The following SLC38A2 variants were observed in gnomAD, a reference collection of about 807,000 sequenced individuals.
The protein encoded by SLC38A2 is solute carrier family 38 member 2, also known as sodium-coupled neutral amino acid symporter 2.
In SLC38A2, 11 loss-of-function variants were observed where a neutral mutation model predicts 61.5. That is an observed-to-expected ratio of 0.18 (90% CI 0.11 to 0.30). SLC38A2 has a LOEUF of 0.30. SLC38A2 is among the 10% of genes least tolerant of loss of function. The pLI, the probability that SLC38A2 is intolerant of heterozygous loss-of-function variation, is 1.00. For synonymous variants in SLC38A2, 217 were observed against 212.5 expected (o/e 1.02, Z -0.18); for missense variants, 522 against 600.4 (o/e 0.87, Z 1.36).
chr12:46,372,257 A>C, intron 1 of SLC38A2: 1 of 160,074 alleles, frequency 6.2e-6, no homozygotes, highest in Non-Finnish European at 1.4e-5. Context: ...CCCTCCCCCT[A>C]ATGGGAAGAT....
rs768503823 is a variant in SLC38A2, at chr12:46,371,127, G to A, written c.116+51C>T. The A allele has an allele frequency of 3.3e-6, 5 of 1,507,636 alleles. No individual in the cohort carries two copies. The East Asian group carries it at 1.1e-4, about 34-fold the overall frequency. 93.4% of individuals were successfully genotyped at this position (1,507,636 alleles called of 1,614,324 possible). ...GAAGCAGAGTCCTAGGTAACTCCCT[G>A]AACCCAACCCATGCAAGCCGTTTTT... On this transcript the variant is annotated intron_variant, in intron 2 of 15. Coordinates refer to ENST00000256689, the MANE Select transcript of SLC38A2 (RefSeq NM_018976.5).
At chr12:46,370,179 A>C (rs1943179933) in intron 4 of SLC38A2, among the ~76,000 whole-genome samples, 1 of 152,336 alleles carries the variant, frequency 6.6e-6, no homozygotes. Context: ...TGATTTGCCA[A>C]AACAAAATTT....
At chr12:46,368,415 G>T (rs537108915) in intron 4 of SLC38A2, among the ~76,000 whole-genome samples, 1 of 152,234 alleles carries the variant, frequency 6.6e-6, no homozygotes, top group African/African-American at 2.4e-5. Flanking sequence ...AGGTAACATA[G>T]AGTGACTAAA....
In SLC38A2 at chr12:46,370,790, A is replaced by G; in HGVS notation, c.184T>C (p.Tyr62His). The change falls in exon 3 of 16, where the codon TAT becomes CAT. Residue 62 changes from tyrosine (Y) to histidine (H), a missense_variant. Physicochemically the swap from Tyr to His is moderately conservative, Grantham distance 83. Transcript: ENST00000256689. ...TTTTAACTTACAAATTCTGTTTCATACTTCTTCTTCCCCAAATTCGATTCA... is the reference window on the plus strand; with the variant it reads ...TTTTAACTTACAAATTCTGTTTCATGCTTCTTCTTCCCCAAATTCGATTCA... ...LLESNLGKKK[Y>H]ETEFHPGTTS... 6.2e-7 allele frequency: 1 copy of G among 1,612,742 alleles called. No homozygotes were observed. Among genetic ancestry groups the G allele is most frequent in the Non-Finnish European group, 8.5e-7 (1 of 1,179,156 alleles).
Position 46,364,385 on chromosome 12 carries a change from T to G in SLC38A2, c.873+4A>C. On this transcript the variant is annotated splice_donor_region_variant and intron_variant, in intron 10 of 15. Coordinates refer to ENST00000256689, the MANE Select transcript of SLC38A2 (RefSeq NM_018976.5). ...CTTTTGAGAAAATAAGCATATTTAG[T>G]TACCTGTGAGTTGAAAATAAAATAG... 6.4e-7 allele frequency: 1 copy of G among 1,572,674 alleles called. No individual in the cohort carries two copies. The highest frequency in any genetic ancestry group is 8.6e-7 in the Non-Finnish European group (1 of 1,166,136).
At chr12:46,368,532 A>G (rs573928443) in intron 4 of SLC38A2, among the ~76,000 whole-genome samples, 1 of 152,234 alleles carries the variant, frequency 6.6e-6, no homozygotes, top group African/African-American at 2.4e-5. Context: ...TAATTTTTTA[A>G]AGAAATTAAA....
chr12:46,372,208 C>T (rs1332228634), intron 1 of SLC38A2: 2 of 154,316 alleles, frequency 1.3e-5, no homozygotes, highest in Non-Finnish European at 2.9e-5. Context: ...AAATCAGTCA[C>T]AAGACTTGCC....
Position 46,360,837 on chromosome 12 carries a change from G to C in SLC38A2, c.*274C>G. The C allele has an allele frequency of 5.3e-6, 2 of 376,436 alleles. No individual in the cohort carries two copies. 23.3% of individuals were successfully genotyped at this position (376,436 alleles called of 1,614,324 possible). A position where few individuals can be genotyped will look rare whatever the true frequency, so the allele number is the denominator to read the frequency against. On this transcript the variant is annotated 3_prime_UTR_variant, in exon 16 of 16. Transcript: ENST00000256689. ...GCATGTGGCTTGATAAAAGTTAAGA[G>C]TTTGTCCATTCTCTGGAATGGAATA...
At position 46,363,935 on chromosome 12, in the gene SLC38A2, T is replaced by G; in HGVS notation, c.942A>C (p.Glu314Asp). 2 of 1,611,902 alleles carry G rather than the reference T, an allele frequency of 1.2e-6. No individual in the cohort carries two copies. The highest frequency in any genetic ancestry group is 1.7e-6 in the Non-Finnish European group (2 of 1,178,850). ...AATGAAATACTCACTCTTTCAGTTC[T>G]TCATAGATGGGAAGAACAGCAGGAT... ...VCHPAVLPIYEELKDRSRRRM... is the reference protein window; with the variant it reads ...VCHPAVLPIYDELKDRSRRRM... The change falls in exon 11 of 16, where the codon GAA (glutamate) becomes GAC (aspartate). Residue 314 changes from glutamate (E) to aspartate (D), a missense_variant. Transcript: ENST00000256689.
Position 46,359,449 on chromosome 12 carries a change from A to T in SLC38A2, c.*1662T>A, listed in dbSNP as rs1330762550. The T allele has an allele frequency of 1.3e-5, 2 of 152,674 alleles. No individual in the cohort carries two copies. The highest frequency in any genetic ancestry group is 2.4e-5 in the African/African-American group (1 of 41,470). The allele number at this position is 152,674 out of a possible 1,614,324, so 9.5% of individuals were successfully genotyped here. On this transcript the variant is annotated 3_prime_UTR_variant, in exon 16 of 16. Coordinates refer to ENST00000256689, the MANE Select transcript of SLC38A2 (RefSeq NM_018976.5). ...GTTTGTAAATTTAGTCACATATAAT[A>T]CAAGAATGCGTAACAAAAACCATGT...
At chr12:46,370,926 T>C in intron 2 of SLC38A2, 69 bp from the exon 3 acceptor site, 5 of 1,235,136 alleles carry the variant, frequency 4.0e-6, no homozygotes, top group Non-Finnish European at 5.8e-6. Flanking sequence ...ACAAGACTGC[T>C]TTAACATAAA....
chr12:46,370,880 T>C (rs1305629929), intron 2 of SLC38A2, 23 bp from the exon 3 acceptor site: 1 of 1,560,668 alleles, frequency 6.4e-7, no homozygotes, highest in Non-Finnish European at 8.8e-7. Context: ...TAGACATATA[T>C]AATTGTAAAC....
intron 4 of SLC38A2, 90 bp from the exon 5 acceptor site, chr12:46,367,430 G>A (rs1175696246): frequency 2.1e-5 from 16 of 765,150 alleles, no homozygotes; most frequent in Admixed American, 1.9e-4. Context: ...AACATTATGT[G>A]TGCAACTTGT....
At chr12:46,369,867 G>C (rs1943176520) in intron 4 of SLC38A2, among the ~76,000 whole-genome samples, 1 of 152,174 alleles carries the variant, frequency 6.6e-6, no homozygotes, top group Admixed American at 6.5e-5. Flanking sequence ...CTGTGCAACT[G>C]TGGGGGGAAC....
At position 46,371,226 on chromosome 12, in the gene SLC38A2, T is replaced by C. The variant is rs150659846; in HGVS notation, c.68A>G (p.Asn23Ser). Residue 23 changes from asparagine to serine, a missense_variant, in exon 2 of 16, where the codon AAC becomes AGC. By Grantham distance (46) the Asn-to-Ser change is conservative. This residue lies in a region of SLC38A2 where 102 missense variants were observed against 83.1 expected (regional missense o/e 1.23). Transcript: ENST00000256689. Reference protein sequence around the residue: ...PDEDSSSYSSNSDFNYSYPTK... With the variant: ...PDEDSSSYSSSSDFNYSYPTK... The stretch of plus-strand genomic sequence containing the variant: ...GGGGTAGGAGTAGTTGAAGTCGCTG[T>C]TGGAACTGTAGCTGCTGCTGTCTTC... 9.7e-4 allele frequency: 1,563 copies of C among 1,614,234 alleles called. 1 individual carries two copies. The highest frequency in any genetic ancestry group is 1.1e-3 in the Non-Finnish European group (1,337 of 1,180,036).
At chr12:46,365,404 G>A in intron 7 of SLC38A2, 1 of 567,054 alleles carries the variant, frequency 1.8e-6, no homozygotes, top group South Asian at 2.5e-5. Flanking sequence ...GTATAAAACA[G>A]TGTAACTTTT....
At chr12:46,371,019 A>T in intron 2 of SLC38A2, 159 bp downstream of exon 2, 1 of 829,052 alleles carries the variant, frequency 1.2e-6, no homozygotes, top group Non-Finnish European at 2.0e-6. Flanking sequence ...CACACCAGCT[A>T]TCTTGTCATT....
intron 2 of SLC38A2, 107 bp from the exon 3 acceptor site, chr12:46,370,964 C>A: frequency 1.1e-6 from 1 of 900,178 alleles, no homozygotes; most frequent in South Asian, 1.5e-5. Flanking sequence ...AGCTCTGATA[C>A]AACATCTTTA....
chr12:46,362,830 C>G lies in SLC38A2; in HGVS notation c.1179+191G>C, dbSNP rs1943097725. On this transcript the variant is annotated intron_variant, in intron 13 of 15. Coordinates refer to ENST00000256689, the MANE Select transcript of SLC38A2 (RefSeq NM_018976.5). ...TGAACACTTAAAGATCATTTTATAT[C>G]TTATGGTGAAAAAAATGTCCCCAGG... 3.2e-6 allele frequency: 3 copies of G among 951,460 alleles called. No individual in the cohort carries two copies. In the East Asian group the frequency reaches 8.1e-5, roughly 26 times the overall value. 58.9% of individuals were successfully genotyped at this position (951,460 alleles called of 1,614,324 possible).
Sources: allele counts gnomAD v4.1 joint callset (sites outside exome capture counted in the v4.1 genomes callset), GRCh38; gene constraint gnomAD v4.1.1; regional missense constraint gnomAD v4.1.1; transcripts MANE v1.5; gene names NCBI Gene and HGNC (gene_info 2026-07-23, HGNC 2026-07-21).